CNTN3: variants seen among roughly 807,000 people sequenced by gnomAD.
The protein encoded by CNTN3 is contactin-3.
In CNTN3, 60 loss-of-function variants were observed where a neutral mutation model predicts 119.1. That is an observed-to-expected ratio of 0.50 (90% CI 0.41 to 0.62). CNTN3 has a LOEUF of 0.62. Among genes scored for constraint, CNTN3 ranks in the 20% least tolerant of loss-of-function variants. CNTN3 has a pLI of 0.00. For synonymous variants in CNTN3, 450 were observed against 438.7 expected, an observed-to-expected ratio of 1.03 and a Z score of -0.32; for missense variants, 1,101 against 1,242.4, an observed-to-expected ratio of 0.89 and a Z score of 1.71.
At chr3:74,601,609 G>C (rs1423868094) in intron 1 of CNTN3, among the ~76,000 whole-genome samples, 2 of 152,090 alleles carry the variant, frequency 1.3e-5, no homozygotes, top group Non-Finnish European at 2.9e-5. Context: ...ATGGATGTGA[G>C]GTTTGGTGGT....
intron 1 of CNTN3, among the ~76,000 whole-genome samples, chr3:74,588,746 A>T (rs901501123): frequency 6.6e-6 from 1 of 152,204 alleles, no homozygotes; most frequent in Admixed American, 6.6e-5. Context: ...TGGTACTGGT[A>T]CCAAAACAGA....
chr3:74,527,888 G>T (rs1198302667), intron 1 of CNTN3, among the ~76,000 whole-genome samples: 1 of 151,898 alleles, frequency 6.6e-6, no homozygotes, highest in African/African-American at 2.4e-5. Flanking sequence ...GCAGGATTTT[G>T]AAAGCAAGTC....
intron 1 of CNTN3, among the ~76,000 whole-genome samples, chr3:74,553,521 A>G (rs1356124640): frequency 1.3e-5 from 2 of 152,212 alleles, no homozygotes; most frequent in African/African-American, 2.4e-5. Context: ...TCTGTCTTCC[A>G]CAATGGTTGA....
chr3:74,405,084 T>C (rs1705292058), intron 5 of CNTN3, among the ~76,000 whole-genome samples: 1 of 152,104 alleles, frequency 6.6e-6, no homozygotes, highest in Admixed American at 6.5e-5. Flanking sequence ...TATATACGGT[T>C]TCTGTCTTTG....
Position 74,301,466 on chromosome 3 carries a change from A to G in CNTN3, c.2027T>C (p.Val676Ala), listed in dbSNP as rs762578077. 2.5e-6 allele frequency: 4 copies of G among 1,614,092 alleles called. No individual in the cohort carries two copies. Among genetic ancestry groups the G allele is most frequent in the East Asian group, 4.5e-5 (2 of 44,876 alleles). ...NPWVEYEFRV[V>A]ASNKIGGGEP... ...TCCACCTCCAATTTTGTTACTGGCT[A>G]CAACCCGAAATTCATATTCCACCCA... The change falls in exon 16 of 23, where the codon GTA becomes GCA. Residue 676 changes from valine (V) to alanine (A), a missense_variant. Physicochemically the swap from Val to Ala is moderately conservative, Grantham distance 64 (BLOSUM62 0). Coordinates refer to ENST00000263665, the MANE Select transcript of CNTN3 (RefSeq NM_020872.3).
chr3:74,305,741 G>T (rs150364206), intron 13 of CNTN3, among the ~76,000 whole-genome samples: 2 of 150,612 alleles, frequency 1.3e-5, no homozygotes, highest in Non-Finnish European at 3.0e-5. Flanking sequence ...AGGACATCTA[G>T]GATGCGGGTC....
In CNTN3 at chr3:74,344,396, GGTTTTTTTTTTTTTTTT is replaced by G. The variant is rs1703629441; in HGVS notation, c.1365-7755_1365-7739del. ...TAGTTCATTTACAACCTTACACAGTGGTTTTTTTTTTTTTTTTTTTTTTTTTTTTTTTTTTTTTTTTT... is the reference window on the plus strand; with the variant it reads ...TAGTTCATTTACAACCTTACACAGTGTTTTTTTTTTTTTTTTTTTTTTTTT... On this transcript the variant is annotated intron_variant, in intron 11 of 22. Transcript: ENST00000263665. Among the ~76,000 whole-genome samples, 16 of 87,832 alleles carry G rather than the reference GGTTTTTTTTTTTTTTTT, an allele frequency of 1.8e-4. 3 individuals are homozygous for G. The highest frequency in any genetic ancestry group is 6.5e-4 in the African/African-American group (16 of 24,646). 57.6% of individuals were successfully genotyped at this position (87,832 alleles called of 152,430 possible).
intron 11 of CNTN3, among the ~76,000 whole-genome samples, chr3:74,346,500 A>G (rs1192075993): frequency 5.9e-5 from 9 of 152,248 alleles, no homozygotes; most frequent in Non-Finnish European, 8.8e-5. Flanking sequence ...TGTAAAATAC[A>G]CAAATAAGAT....
In CNTN3 at chr3:74,392,612, G is replaced by A. The variant is rs72896199; in HGVS notation, c.455-21213C>T. Among the ~76,000 whole-genome samples, 647 of 152,280 alleles carry A rather than the reference G, an allele frequency of 4.2e-3. 2 individuals carry two copies. Among genetic ancestry groups the A allele is most frequent in the African/African-American group, 0.014 (598 of 41,564 alleles). ...CTAATGAGCATATAGTAGCATACACGTTAGAGGAGTTCCCTGTCCTAGGGA... is the reference window on the plus strand; with the variant it reads ...CTAATGAGCATATAGTAGCATACACATTAGAGGAGTTCCCTGTCCTAGGGA... On this transcript the variant is annotated intron_variant, in intron 5 of 22. Transcript: ENST00000263665.
chr3:74,460,031 T>A (rs1473121016), intron 4 of CNTN3, among the ~76,000 whole-genome samples: 1 of 152,070 alleles, frequency 6.6e-6, no homozygotes, highest in African/African-American at 2.4e-5. Flanking sequence ...CTTCCTCCAA[T>A]GAAATGTCTC....
At chr3:74,317,193 G>T in intron 13 of CNTN3, among the ~76,000 whole-genome samples, 1 of 148,268 alleles carries the variant, frequency 6.7e-6, no homozygotes, top group South Asian at 2.3e-4. Flanking sequence ...TTGCTTGGTA[G>T]ATCTTCCTCC....
intron 3 of CNTN3, among the ~76,000 whole-genome samples, chr3:74,490,871 C>T (rs992195010): frequency 6.6e-6 from 1 of 152,128 alleles, no homozygotes; most frequent in Non-Finnish European, 1.5e-5. Context: ...TTGCCATAAC[C>T]AGAAGAATGT....
chr3:74,285,790 G>GATATATATATATAT (rs71129738), intron 19 of CNTN3, among the ~76,000 whole-genome samples: 11 of 56,544 alleles, frequency 1.9e-4, no homozygotes, highest in East Asian at 1.1e-3. Context: ...ATGAAGGGGA[G>GATATATATATATAT]ATATATATAT....
At chr3:74,397,978 A>G (rs894873027) in intron 5 of CNTN3, among the ~76,000 whole-genome samples, 2 of 152,218 alleles carry the variant, frequency 1.3e-5, no homozygotes, top group Non-Finnish European at 2.9e-5. Context: ...TCATGATAAA[A>G]CTTCAATGGA....
chr3:74,610,464 C>T (rs1171357389), intron 1 of CNTN3, among the ~76,000 whole-genome samples: 1 of 152,132 alleles, frequency 6.6e-6, no homozygotes, highest in African/African-American at 2.4e-5. Flanking sequence ...GAGCTCAACA[C>T]ATCTGCAGAA....
At chr3:74,354,880 T>C (rs1399431650) in intron 11 of CNTN3, among the ~76,000 whole-genome samples, 1 of 152,154 alleles carries the variant, frequency 6.6e-6, no homozygotes, top group Non-Finnish European at 1.5e-5. Flanking sequence ...TCTCTACTGA[T>C]AACTTGTATG....
chr3:74,282,395 A>C (rs1702030590), intron 20 of CNTN3, among the ~76,000 whole-genome samples: 1 of 152,188 alleles, frequency 6.6e-6, no homozygotes, highest in Admixed American at 6.5e-5. Context: ...TGAATTTGCA[A>C]TGTGCAGTCA....
At chr3:74,466,007 C>A (rs893283748) in intron 4 of CNTN3, among the ~76,000 whole-genome samples, 6 of 152,292 alleles carry the variant, frequency 3.9e-5, no homozygotes, top group African/African-American at 1.4e-4. Context: ...TTACCCAAGA[C>A]TTTTCAGCTG....
Position 74,266,577 on chromosome 3 carries a change from G to A in CNTN3, c.2890C>T (p.Leu964=). The A allele has an allele frequency of 6.2e-7, 1 of 1,613,594 alleles. No individual in the cohort carries two copies. The highest frequency in any genetic ancestry group is 1.3e-5 in the African/African-American group (1 of 74,998). Residue 964 remains leucine (L), a synonymous_variant, in exon 22 of 23, where the codon CTG becomes TTG. Transcript: ENST00000263665. ...ATAATGTAGTCCTCTTTAATGGGCA[G>A]CACAAGTTCAGCTGAAGTTTTATTT... The part of the protein sequence containing the change: ...NTNKTSAELV[L]PIKEDYIIEV...
Sources: gnomAD v4.1 joint callset for allele counts (sites outside exome capture counted in the v4.1 genomes callset) on GRCh38, gnomAD v4.1.1 for gene constraint, MANE v1.5 for transcripts, NCBI Gene and HGNC (gene_info 2026-07-23, HGNC 2026-07-21) for gene names.